POTEE: variants seen among roughly 807,000 people sequenced by gnomAD.
The protein encoded by POTEE is POTE ankyrin domain family member E.
Under a neutral mutation model 74.2 loss-of-function variants are expected in POTEE, and 21 were observed. That is an observed-to-expected ratio of 0.28 (90% CI 0.20 to 0.41). POTEE has a LOEUF of 0.41. Among genes scored for constraint, POTEE ranks in the 10% least tolerant of loss-of-function variants. The pLI, the probability that POTEE is intolerant of heterozygous loss-of-function variation, is 1.00. For missense variants in POTEE, 525 were observed against 1,158.6 expected, an observed-to-expected ratio of 0.45 and a Z score of 7.94; for synonymous variants, 211 against 432.8, an observed-to-expected ratio of 0.49 and a Z score of 6.36.
In POTEE at chr2:131,211,049, T is replaced by G. The variant is rs1457394215; in HGVS notation, c.-323T>G. On this transcript the variant is annotated 5_prime_UTR_variant, in exon 2 of 18. Coordinates refer to ENST00000683005, the MANE Select transcript of POTEE (RefSeq NM_001083538.3). ...CTAGGCTTTTCTGGCTTTGCCGGTC[T>G]AGCTGCTCCAAGCCAGGCTGGAGGA... Among the ~76,000 whole-genome samples the G allele has an allele frequency of 6.6e-6, 1 of 150,694 alleles. No individual in the cohort carries two copies. The highest frequency in any genetic ancestry group is 1.5e-5 in the Non-Finnish European group (1 of 68,030).
At chr2:131,213,848 G>T (rs1207259130) in intron 2 of POTEE, among the ~76,000 whole-genome samples, 3 of 151,746 alleles carry the variant, frequency 2.0e-5, no homozygotes, top group Admixed American at 6.6e-5. Context: ...TTCCAAGGGG[G>T]CCATGAGCTA....
chr2:131,260,625 T>G (rs1701679255), intron 16 of POTEE, among the ~76,000 whole-genome samples: 1 of 148,828 alleles, frequency 6.7e-6, no homozygotes, highest in African/African-American at 2.6e-5. Flanking sequence ...TTGGTTGTAG[T>G]TGGTGTATAG....
At chr2:131,254,993 G>A (rs1254326393) in intron 16 of POTEE, among the ~76,000 whole-genome samples, 4 of 152,020 alleles carry the variant, frequency 2.6e-5, no homozygotes, top group African/African-American at 9.7e-5. Context: ...TGTTCAAAGG[G>A]CCTTTAAAAC....
chr2:131,237,347 A>G (rs1330789068), intron 10 of POTEE, among the ~76,000 whole-genome samples: 1 of 152,080 alleles, frequency 6.6e-6, no homozygotes, highest in East Asian at 1.9e-4. Context: ...ACCAAGGTTA[A>G]AAATATATTC....
intron 2 of POTEE, among the ~76,000 whole-genome samples, chr2:131,215,302 C>T (rs1490282083): frequency 3.3e-5 from 5 of 151,988 alleles, no homozygotes; most frequent in Admixed American, 6.5e-5. Context: ...GTATCAATTG[C>T]ATATGTCACT....
chr2:131,233,253 CTA>C lies in POTEE; in HGVS notation c.1126+2349_1126+2350del, dbSNP rs755058499. On this transcript the variant is annotated intron_variant, in intron 9 of 17. Coordinates refer to ENST00000683005, the MANE Select transcript of POTEE (RefSeq NM_001083538.3). Reference sequence around the variant, plus strand: ...ATGGCCAGTTGGGCAATATTTTAGACTATGTGGTCTCTGTCATATCTACTTAA... The same window carrying C: ...ATGGCCAGTTGGGCAATATTTTAGACTGTGGTCTCTGTCATATCTACTTAA... 1.4e-4 allele frequency among the ~76,000 whole-genome samples: 22 copies of C among 151,912 alleles called. No individual in the cohort carries two copies. In the East Asian group the frequency reaches 1.9e-3, roughly 13 times the overall value.
rs1205822064 is a variant in POTEE, at chr2:131,226,839, T to C, written c.827T>C (p.Leu276Pro). ...GTTTTACAGCATGGCCTCACACCACTGTTACTTGGTGTACATGAGCAAAAA... is the reference window on the plus strand; with the variant it reads ...GTTTTACAGCATGGCCTCACACCACCGTTACTTGGTGTACATGAGCAAAAA... ...ESKNKHGLTPLLLGVHEQKQQ... is the reference protein window; with the variant it reads ...ESKNKHGLTPPLLGVHEQKQQ... Residue 276 changes from leucine (L) to proline (P), a missense_variant, in exon 7 of 18, where the codon CTG (leucine) becomes CCG (proline). By Grantham distance (98) the Leu-to-Pro change is moderately conservative. Coordinates refer to ENST00000683005, the MANE Select transcript of POTEE (RefSeq NM_001083538.3). 6.2e-7 allele frequency: 1 copy of C among 1,611,634 alleles called. No homozygotes were observed. Among genetic ancestry groups the C allele is most frequent in the Admixed American group, 1.7e-5 (1 of 60,006 alleles).
At chr2:131,225,017 A>C (rs1275837514) in intron 6 of POTEE, among the ~76,000 whole-genome samples, 2 of 152,124 alleles carry the variant, frequency 1.3e-5, no homozygotes, top group Non-Finnish European at 2.9e-5. Flanking sequence ...GTTTTCAGCA[A>C]ATGGGCCTCT....
rs373006454 is a variant in POTEE, at chr2:131,216,178, A to G, written c.-188-1411A>G. 7.2e-5 allele frequency among the ~76,000 whole-genome samples: 11 copies of G among 151,834 alleles called. No individual in the cohort carries two copies. In the East Asian group the frequency reaches 7.7e-4, roughly 11 times the overall value. ...GTATACTGAAAATTATAGCACATTG[A>G]TGAAAGAAATTGAAAGTGACAAATA... is the stretch of plus-strand genomic sequence containing the variant. On this transcript the variant is annotated intron_variant, in intron 2 of 17. Transcript: ENST00000683005.
chr2:131,229,293 C>CTT, intron 8 of POTEE, among the ~76,000 whole-genome samples: 1 of 152,108 alleles, frequency 6.6e-6, no homozygotes, highest in African/African-American at 2.4e-5. Flanking sequence ...GTGTTTGTTT[C>CTT]CTCTTTGCTA....
intron 2 of POTEE, among the ~76,000 whole-genome samples, chr2:131,216,261 C>G (rs914669664): frequency 3.9e-5 from 6 of 151,990 alleles, no homozygotes; most frequent in African/African-American, 1.5e-4. Flanking sequence ...TTCAATGCTA[C>G]TCAAAGCATT....
In POTEE at chr2:131,217,637, G is replaced by C. The variant is rs1267464321; in HGVS notation, c.-140G>C. On this transcript the variant is annotated 5_prime_UTR_variant, in exon 3 of 18. Coordinates refer to ENST00000683005, the MANE Select transcript of POTEE (RefSeq NM_001083538.3). ...TCAGCTGACTCCCACGAAGTTTGCC[G>C]GAACTCAAGGCTGTCAGTGACATTC... Among the ~76,000 whole-genome samples the C allele has an allele frequency of 6.8e-6, 1 of 147,454 alleles. No individual in the cohort carries two copies. The highest frequency in any genetic ancestry group is 1.5e-5 in the Non-Finnish European group (1 of 66,364).
intron 9 of POTEE, among the ~76,000 whole-genome samples, chr2:131,233,961 G>A (rs1444265377): frequency 6.6e-6 from 1 of 151,332 alleles, no homozygotes; most frequent in Admixed American, 6.6e-5. Flanking sequence ...TTCTATGCAC[G>A]TTTAATGGAA....
chr2:131,218,011 G>C (rs2105064381), intron 3 of POTEE: 1 of 294,542 alleles, frequency 3.4e-6, no homozygotes, highest in African/African-American at 2.3e-5. Context: ...GCTTGGCGTT[G>C]GTAGCTTGGA....
At position 131,227,400 on chromosome 2, in the gene POTEE, G is replaced by T. The variant is rs1437777327; in HGVS notation, c.917+471G>T. 2.7e-5 allele frequency among the ~76,000 whole-genome samples: 4 copies of T among 147,090 alleles called. 1 individual carries two copies. Among genetic ancestry groups the T allele is most frequent in the African/African-American group, 1.1e-4 (4 of 37,540 alleles). ...GTTGCTTTCTTTGAAGAATATTAGT[G>T]TTAGCTTATCCCTACATGACAATTA... On this transcript the variant is annotated intron_variant, in intron 7 of 17. Coordinates refer to ENST00000683005, the MANE Select transcript of POTEE (RefSeq NM_001083538.3).
chr2:131,216,995 A>AC (rs1700456390), intron 2 of POTEE, among the ~76,000 whole-genome samples: 1 of 152,282 alleles, frequency 6.6e-6, no homozygotes, highest in African/African-American at 2.4e-5. Flanking sequence ...AATGTTCTAA[A>AC]ATCGTGGTGA....
chr2:131,221,124 T>C (rs1055161934), intron 4 of POTEE, among the ~76,000 whole-genome samples: 2 of 152,226 alleles, frequency 1.3e-5, no homozygotes, highest in African/African-American at 2.4e-5. Flanking sequence ...AAAAATGTTA[T>C]GCTTTTTACT....
chr2:131,239,832 G>A (rs1322690585), intron 12 of POTEE, among the ~76,000 whole-genome samples: 567 of 150,724 alleles, frequency 3.8e-3, no homozygotes, highest in African/African-American at 0.013. Flanking sequence ...CTCCCGCGAC[G>A]CTCCACCTTC....
intron 8 of POTEE, 79 bp downstream of exon 8, chr2:131,228,460 G>C: frequency 3.8e-6 from 6 of 1,584,552 alleles, no homozygotes; most frequent in Non-Finnish European, 3.4e-6. Context: ...TCACATATCA[G>C]GTGAGATGTC....
Sources: gnomAD v4.1 joint callset for allele counts (sites outside exome capture counted in the v4.1 genomes callset) on GRCh38, gnomAD v4.1.1 for gene constraint, MANE v1.5 for transcripts, NCBI Gene and HGNC (gene_info 2026-07-23, HGNC 2026-07-21) for gene names.